Variants in KCNMA1 observed in about 807,000 individuals in gnomAD.
The protein encoded by KCNMA1 is Calcium-activated potassium channel subunit alpha-1.
KCNMA1 carries 29 observed loss-of-function variants against 140.0 expected under a neutral mutation model. The ratio of observed to expected loss-of-function variants is 0.21; its 90% CI spans 0.15 to 0.28. The LOEUF (loss-of-function observed/expected upper bound fraction) is 0.28, where lower values mean the gene tolerates loss of function less well. KCNMA1 is among the 10% of genes least tolerant of loss of function. KCNMA1 has a pLI of 1.00. For missense variants in KCNMA1, 880 were observed against 1,602.2 expected, an observed-to-expected ratio of 0.55 and a Z score of 7.70; for synonymous variants, 612 against 611.9, an observed-to-expected ratio of 1.00 and a Z score of 0.00.
chr10:77,610,439 C>A (rs777361213), intron 1 of KCNMA1, among the ~76,000 whole-genome samples: 1 of 152,264 alleles, frequency 6.6e-6, no homozygotes, highest in Non-Finnish European at 1.5e-5. Flanking sequence ...CAGCCTCGGG[C>A]TGCCCCAAAA....
intron 5 of KCNMA1, among the ~76,000 whole-genome samples, chr10:77,146,411 A>C (rs1412028849): frequency 6.6e-6 from 1 of 152,166 alleles, no homozygotes; most frequent in Non-Finnish European, 1.5e-5. Flanking sequence ...TAAAAAATAA[A>C]GATGAGAAGC....
chr10:77,314,269 T>G (rs1202233068), intron 2 of KCNMA1: 2 of 152,140 alleles, frequency 1.3e-5, no homozygotes, highest in African/African-American at 4.8e-5. Flanking sequence ...GGACAAATAA[T>G]TTTCCTTTTT....
At chr10:77,177,117 T>C (rs2098757325) in intron 5 of KCNMA1, among the ~76,000 whole-genome samples, 1 of 152,116 alleles carries the variant, frequency 6.6e-6, no homozygotes, top group South Asian at 2.1e-4. Context: ...GAATCTTCCC[T>C]AGAGCCTCTG....
In KCNMA1 at chr10:77,093,798, G is replaced by A. The variant is rs541295125; in HGVS notation, c.1224-3288C>T. Among the ~76,000 whole-genome samples the A allele has an allele frequency of 6.6e-5, 10 of 152,264 alleles. No individual in the cohort carries two copies. The South Asian group carries it at 2.1e-3, about 32-fold the overall frequency. ...TGACCTCATTGGAGGCAGAGTAATG[G>A]TTGTTCACAGGGCATGATTTGAAGA... On this transcript the variant is annotated intron_variant, in intron 9 of 27. Transcript: ENST00000286628.
At chr10:76,963,855 G>A (rs1367683241) in intron 20 of KCNMA1, among the ~76,000 whole-genome samples, 1 of 152,068 alleles carries the variant, frequency 6.6e-6, no homozygotes, top group African/African-American at 2.4e-5. Flanking sequence ...TGAGCACAAT[G>A]TTCAAGAATA....
At chr10:77,112,799 T>C (rs568120524) in intron 6 of KCNMA1, among the ~76,000 whole-genome samples, 17 of 152,182 alleles carry the variant, frequency 1.1e-4, no homozygotes, top group Non-Finnish European at 2.1e-4. Context: ...CTTTTTCTCT[T>C]ATCCCCCCCG....
chr10:77,027,747 A>G (rs2093591384), intron 16 of KCNMA1, 76 bp downstream of exon 16: 2 of 1,145,828 alleles, frequency 1.7e-6, no homozygotes, highest in African/African-American at 3.0e-5. Flanking sequence ...AAGAAAGCAG[A>G]AGTGAACCGA....
chr10:77,549,683 G>A (rs1225807375), intron 1 of KCNMA1, among the ~76,000 whole-genome samples: 1 of 152,134 alleles, frequency 6.6e-6, no homozygotes, highest in African/African-American at 2.4e-5. Context: ...CCTTTTTTCT[G>A]TCTCCACATT....
intron 5 of KCNMA1, among the ~76,000 whole-genome samples, chr10:77,148,532 T>TG (rs34022069): frequency 0.38 from 58,226 of 151,800 alleles, 12,484 homozygotes; most frequent in East Asian, 0.88. Context: ...GTACTTGTTT[T>TG]GGGGGGGATT....
At chr10:77,022,918 A>C in intron 16 of KCNMA1, 2 of 455,158 alleles carry the variant, frequency 4.4e-6, no homozygotes, top group Non-Finnish European at 8.8e-6. Context: ...AAATATCCCA[A>C]TATGTAAACA....
intron 1 of KCNMA1, among the ~76,000 whole-genome samples, chr10:77,454,593 C>A (rs966241572): frequency 6.6e-6 from 1 of 152,238 alleles, no homozygotes; most frequent in African/African-American, 2.4e-5. Context: ...GATGACTCCT[C>A]ATTCCTCATT....
intron 3 of KCNMA1, among the ~76,000 whole-genome samples, chr10:77,248,867 T>A (rs544220833): frequency 6.6e-6 from 1 of 152,326 alleles, no homozygotes; most frequent in Non-Finnish European, 1.5e-5. Flanking sequence ...TTGCTTGCCG[T>A]CTTTCCCAAG....
intron 1 of KCNMA1, among the ~76,000 whole-genome samples, chr10:77,533,413 T>C (rs1168313787): frequency 1.3e-5 from 2 of 152,140 alleles, no homozygotes; most frequent in African/African-American, 2.4e-5. Flanking sequence ...GGACAAATCA[T>C]TTAACTTCTC....
chr10:77,344,302 A>G (rs1248739676), intron 2 of KCNMA1, among the ~76,000 whole-genome samples: 1 of 152,148 alleles, frequency 6.6e-6, no homozygotes, highest in African/African-American at 2.4e-5. Flanking sequence ...GCAGGGAGTT[A>G]ATAGGTTTTT....
chr10:77,584,665 T>C (rs890824828), intron 1 of KCNMA1, among the ~76,000 whole-genome samples: 2 of 152,146 alleles, frequency 1.3e-5, no homozygotes, highest in African/African-American at 2.4e-5. Context: ...CCTTGTTCCA[T>C]AAATGTTTTT....
At chr10:77,636,038 T>G in intron 1 of KCNMA1, 1 of 262,492 alleles carries the variant, frequency 3.8e-6, no homozygotes, top group Non-Finnish European at 6.7e-6. Flanking sequence ...GTTTGAGGGG[T>G]CCTCGGTTTA....
In KCNMA1 at chr10:77,068,287, C is replaced by A. The variant is rs370343264; in HGVS notation, c.1749+4810G>T. 7.9e-5 allele frequency among the ~76,000 whole-genome samples: 12 copies of A among 152,276 alleles called. No individual in the cohort carries two copies. In the South Asian group the frequency reaches 2.3e-3, roughly 29 times the overall value. On this transcript the variant is annotated intron_variant, in intron 14 of 27. Transcript: ENST00000286628. ...GTATTTTTTAGCTATTATTAAAAGT[C>A]CTTGATTTACATTTTTAGCTGCTAA...
chr10:77,197,271 G>T (rs1037137870), intron 3 of KCNMA1, among the ~76,000 whole-genome samples: 1 of 152,152 alleles, frequency 6.6e-6, no homozygotes, highest in Non-Finnish European at 1.5e-5. Context: ...ATATTTGTTA[G>T]ATCTAAGCAA....
intron 2 of KCNMA1, among the ~76,000 whole-genome samples, chr10:77,263,608 G>T (rs2062594171): frequency 6.6e-6 from 1 of 152,112 alleles, no homozygotes; most frequent in Non-Finnish European, 1.5e-5. Context: ...TTGGCACCAA[G>T]GTCTTACTTT....
Sources: gnomAD v4.1 joint callset for allele counts (sites outside exome capture counted in the v4.1 genomes callset) on GRCh38, gnomAD v4.1.1 for gene constraint, MANE v1.5 for transcripts, NCBI Gene and HGNC (gene_info 2026-07-23, HGNC 2026-07-21) for gene names.